RRN3: variants seen among roughly 807,000 people sequenced by gnomAD.
The protein encoded by RRN3 is RNA polymerase I-specific transcription initiation factor RRN3.
RRN3 carries 38 observed loss-of-function variants against 82.3 expected under a neutral mutation model. The ratio of observed to expected loss-of-function variants is 0.46; its 90% CI spans 0.36 to 0.61. The LOEUF is 0.61. RRN3 is among the 20% of genes least tolerant of loss of function. RRN3 has a pLI of 0.00. For synonymous variants in RRN3, 284 were observed against 284.3 expected (o/e 1.00, Z 0.01); for missense variants, 726 against 793.1 (o/e 0.92, Z 1.02).
rs930498668 is a variant in RRN3 at position 15,072,258 on chromosome 16, AAAAG to A, written c.1128+688_1128+691del. On this transcript the variant is annotated intron_variant, in intron 12 of 17. Transcript: ENST00000198767. Reference sequence around the variant, plus strand: ...TCTTTCCCCCACCAAAAAAAAAAAAAAAAGAAGAAGAAGAAGAAAAGACAAAGCC... The same window carrying A: ...TCTTTCCCCCACCAAAAAAAAAAAAAAAGAAGAAGAAGAAAAGACAAAGCC... Among the ~76,000 whole-genome samples, 33 of 152,136 alleles carry A rather than the reference AAAAG, an allele frequency of 2.2e-4. 1 individual carries two copies. The highest frequency in any genetic ancestry group is 3.9e-4 in the East Asian group (2 of 5,186).
chr16:15,071,537 G>A (rs1489346157), intron 12 of RRN3, among the ~76,000 whole-genome samples: 1 of 152,228 alleles, frequency 6.6e-6, no homozygotes, highest in Non-Finnish European at 1.5e-5. Flanking sequence ...GGAGGCCGAG[G>A]CGGGTGGATC....
chr16:15,093,886 A>T lies in RRN3; in HGVS notation c.89+259T>A, dbSNP rs559628846. 944 of 520,468 alleles carry T rather than the reference A, an allele frequency of 1.8e-3. 10 individuals are homozygous for T. Among genetic ancestry groups the T allele is most frequent in the African/African-American group, 0.017 (858 of 49,964 alleles). The allele number at this position is 520,468 out of a possible 1,614,324, so 32.2% of individuals were successfully genotyped here. A position where few individuals can be genotyped will look rare whatever the true frequency, so the allele number is the denominator to read the frequency against. Reference sequence around the variant, plus strand: ...GGTCAAGGCGCAGAAGGCAGTACCCAGGCCTGGGAAATCACGAAGAGACAC... The same window carrying T: ...GGTCAAGGCGCAGAAGGCAGTACCCTGGCCTGGGAAATCACGAAGAGACAC... On this transcript the variant is annotated intron_variant, in intron 1 of 17. Transcript: ENST00000198767.
intron 16 of RRN3, among the ~76,000 whole-genome samples, chr16:15,064,764 A>C (rs1464529986): frequency 6.6e-6 from 1 of 152,216 alleles, no homozygotes; most frequent in Non-Finnish European, 1.5e-5. Context: ...GCATCTGGTG[A>C]AATATACGCA....
intron 8 of RRN3, among the ~76,000 whole-genome samples, chr16:15,083,264 T>C (rs2045778094): frequency 6.6e-6 from 1 of 152,068 alleles, no homozygotes; most frequent in Non-Finnish European, 1.5e-5. Context: ...CTGGGCATGG[T>C]GGTAGGCGCC....
chr16:15,064,366 C>T (rs1414537406), intron 16 of RRN3, among the ~76,000 whole-genome samples: 2 of 152,026 alleles, frequency 1.3e-5, no homozygotes, highest in Non-Finnish European at 1.5e-5. Flanking sequence ...GTAAAGACAG[C>T]GTTTCACCAT....
chr16:15,067,703 G>A (rs994305713), intron 15 of RRN3, among the ~76,000 whole-genome samples: 49 of 151,762 alleles, frequency 3.2e-4, no homozygotes, highest in Non-Finnish European at 4.3e-4. Context: ...AATTTCCAAC[G>A]CCATCAAAGT....
chr16:15,075,256 A>G (rs2045402756), intron 10 of RRN3, among the ~76,000 whole-genome samples: 1 of 151,612 alleles, frequency 6.6e-6, no homozygotes, highest in Non-Finnish European at 1.5e-5. Flanking sequence ...CCACCAAAAA[A>G]AAAAAAAAAA....
chr16:15,063,333 G>A lies in RRN3; in HGVS notation c.1707-50C>T, dbSNP rs192026747. 1.0e-4 allele frequency: 140 copies of A among 1,388,680 alleles called. No homozygotes were observed. The African/African-American group carries it at 1.3e-3, about 13-fold the overall frequency. The allele number at this position is 1,388,680 out of a possible 1,614,324, so 86.0% of individuals were successfully genotyped here. On this transcript the variant is annotated intron_variant, in intron 16 of 17. Transcript: ENST00000198767. ...AGTCAAGTTAAATACTTCGGCAGAA[G>A]TCAAAATTGGTTTGGATCTTTTCTC... is the stretch of plus-strand genomic sequence containing the variant.
chr16:15,072,886 T>C, intron 12 of RRN3, 64 bp downstream of exon 12: 1 of 1,570,450 alleles, frequency 6.4e-7, no homozygotes, highest in Non-Finnish European at 8.7e-7. Flanking sequence ...ACCCCAGTTT[T>C]TAGGGAAAAT....
At chr16:15,082,970 T>C (rs1245931700) in intron 8 of RRN3, among the ~76,000 whole-genome samples, 1 of 152,196 alleles carries the variant, frequency 6.6e-6, no homozygotes, top group Admixed American at 6.5e-5. Flanking sequence ...ATTCCTGAAA[T>C]GAACTCAGAC....
chr16:15,070,652 T>C (rs1597902233), intron 13 of RRN3, among the ~76,000 whole-genome samples: 1 of 152,106 alleles, frequency 6.6e-6, no homozygotes, highest in Admixed American at 6.6e-5. Flanking sequence ...TCAAGTCCTA[T>C]GGTGAATAAT....
chr16:15,084,330 G>T (rs1446195035), intron 7 of RRN3, among the ~76,000 whole-genome samples: 1 of 151,954 alleles, frequency 6.6e-6, no homozygotes, highest in Non-Finnish European at 1.5e-5. Context: ...CATATGGCAT[G>T]ACACAAACAC....
chr16:15,078,939 G>A (rs1375354944), intron 9 of RRN3, among the ~76,000 whole-genome samples: 7 of 151,382 alleles, frequency 4.6e-5, no homozygotes, highest in Non-Finnish European at 1.0e-4. Flanking sequence ...AGCCTCCCGA[G>A]TAGCTGGGAC....
chr16:15,093,933 G>A, intron 1 of RRN3: 2 of 579,910 alleles, frequency 3.4e-6, no homozygotes, highest in South Asian at 4.4e-5. Flanking sequence ...GGGGCCTCCA[G>A]AACAGAGAAC....
chr16:15,076,563 T>G lies in RRN3; in HGVS notation c.853A>C (p.Asn285His), dbSNP rs779991666. ...TTCATTAATAAACTGCTAACCATAT[T>G]AAACAATCCTTCCGTGGAATCTGTC... Reference protein sequence around the residue: ...GGTDSTEGLFNMDEDEETEHE... With the variant: ...GGTDSTEGLFHMDEDEETEHE... Residue 285 changes from asparagine to histidine, a missense_variant, in exon 10 of 18, where the codon AAT becomes CAT. Asn to His is a moderately conservative substitution (Grantham distance 68). Transcript: ENST00000198767. 1 of 1,606,600 alleles carries G rather than the reference T, an allele frequency of 6.2e-7. No individual in the cohort carries two copies. The highest frequency in any genetic ancestry group is 1.3e-5 in the African/African-American group (1 of 74,906).
intron 13 of RRN3, among the ~76,000 whole-genome samples, chr16:15,070,753 T>C (rs1319104596): frequency 6.6e-6 from 1 of 152,030 alleles, no homozygotes; most frequent in Non-Finnish European, 1.5e-5. Flanking sequence ...ATAGGTCTAT[T>C]ACCTTTAAAA....
At chr16:15,087,297 T>C (rs2045947660) in intron 3 of RRN3, among the ~76,000 whole-genome samples, 1 of 152,230 alleles carries the variant, frequency 6.6e-6, no homozygotes, top group Non-Finnish European at 1.5e-5. Flanking sequence ...TCCACATATA[T>C]ATCTTCTTCT....
At chr16:15,068,915 T>C (rs1171819267) in intron 14 of RRN3, among the ~76,000 whole-genome samples, 2 of 152,200 alleles carry the variant, frequency 1.3e-5, no homozygotes, top group African/African-American at 4.8e-5. Context: ...AGGAGTTTCT[T>C]TGATACGTAT....
chr16:15,090,026 T>TG (rs1305293002), intron 3 of RRN3, among the ~76,000 whole-genome samples: 1 of 151,790 alleles, frequency 6.6e-6, no homozygotes, highest in Non-Finnish European at 1.5e-5. Context: ...CTGGCCAACA[T>TG]GGTGAAACCC....
Sources: gnomAD v4.1 joint callset for allele counts (sites outside exome capture counted in the v4.1 genomes callset) on GRCh38, gnomAD v4.1.1 for gene constraint, MANE v1.5 for transcripts, NCBI Gene and HGNC (gene_info 2026-07-23, HGNC 2026-07-21) for gene names.